The following RECK variants were observed in gnomAD, a reference collection of about 807,000 sequenced individuals.
RECK encodes reversion-inducing cysteine-rich protein with Kazal motifs.
Under a neutral mutation model 115.1 loss-of-function variants are expected in RECK, and 69 were observed. The observed-to-expected ratio is 0.60, with a 90% confidence interval of 0.49 to 0.73. The LOEUF is 0.73. RECK is among the 30% of genes least tolerant of loss of function. The probability of loss-of-function intolerance (pLI) is 0.00; values close to 1 mark genes in which losing one functional copy is unlikely to be tolerated. For missense variants in RECK, 1,047 were observed against 1,203.7 expected, an observed-to-expected ratio of 0.87 and a Z score of 1.93; for synonymous variants, 414 against 419.7, an observed-to-expected ratio of 0.99 and a Z score of 0.17.
chr9:36,038,815 A>AC (rs548144434), intron 1 of RECK, among the ~76,000 whole-genome samples: 36 of 148,196 alleles, frequency 2.4e-4, no homozygotes, highest in African/African-American at 7.9e-4. Context: ...ACAAACAACA[A>AC]AAAAAAAAAC....
At chr9:36,058,437 G>A (rs1375243694) in intron 2 of RECK, among the ~76,000 whole-genome samples, 1 of 131,128 alleles carries the variant, frequency 7.6e-6, no homozygotes, top group East Asian at 2.2e-4. Flanking sequence ...TCACTCATAG[G>A]TGGGAATTGA....
chr9:36,074,029 C>A (rs748813865), intron 6 of RECK, among the ~76,000 whole-genome samples: 3 of 152,054 alleles, frequency 2.0e-5, no homozygotes, highest in African/African-American at 7.2e-5. Flanking sequence ...TTCTCCACAA[C>A]CACCCCCCAC....
chr9:36,112,751 G>T (rs541643408), intron 16 of RECK, among the ~76,000 whole-genome samples: 1 of 152,306 alleles, frequency 6.6e-6, no homozygotes, highest in Non-Finnish European at 1.5e-5. Context: ...ATGAGTAAGA[G>T]ATTGCAGGCA....
intron 9 of RECK, among the ~76,000 whole-genome samples, chr9:36,088,650 C>T (rs1310464955): frequency 6.6e-6 from 1 of 152,158 alleles, no homozygotes; most frequent in Non-Finnish European, 1.5e-5. Flanking sequence ...ATTGGATGGA[C>T]CTTTAGCAAA....
chr9:36,041,163 T>C (rs1820849467), intron 1 of RECK, among the ~76,000 whole-genome samples: 1 of 152,226 alleles, frequency 6.6e-6, no homozygotes, highest in Non-Finnish European at 1.5e-5. Context: ...AATACCTACA[T>C]GGCTAATATT....
At chr9:36,088,978 G>A (rs932867029) in intron 9 of RECK, among the ~76,000 whole-genome samples, 10 of 152,088 alleles carry the variant, frequency 6.6e-5, no homozygotes, top group Admixed American at 3.9e-4. Context: ...CCGAGATTGC[G>A]CCACTGCACT....
chr9:36,069,480 C>CAAAAAA (rs60192603), intron 6 of RECK, among the ~76,000 whole-genome samples: 2 of 84,932 alleles, frequency 2.4e-5, no homozygotes, highest in East Asian at 2.6e-4. Context: ...GTGGAGGTTG[C>CAAAAAA]AAAAAAAAAA....
Position 36,084,027 on chromosome 9 carries a change from AATTG to A in RECK, c.637+469_637+472del, listed in dbSNP as rs1452486522. ...CATCCATCAATACAGCATTGATTAA[AATTG>A]ATTAAGTAAATTACGGCATACCTAT... On this transcript the variant is annotated intron_variant, in intron 8 of 20. Coordinates refer to ENST00000377966, the MANE Select transcript of RECK (RefSeq NM_021111.3). Among the ~76,000 whole-genome samples the A allele has an allele frequency of 2.6e-5, 4 of 152,332 alleles. No individual in the cohort carries two copies. In the East Asian group the frequency reaches 7.7e-4, roughly 29 times the overall value.
At chr9:36,065,093 A>G (rs1412941913) in intron 5 of RECK, among the ~76,000 whole-genome samples, 1 of 152,064 alleles carries the variant, frequency 6.6e-6, no homozygotes, top group Non-Finnish European at 1.5e-5. Flanking sequence ...CCTCTTCCCT[A>G]TTTAGTTGCC....
intron 10 of RECK, 106 bp downstream of exon 10, chr9:36,091,449 C>T (rs1823151666): frequency 2.3e-6 from 2 of 878,858 alleles, no homozygotes; most frequent in Non-Finnish European, 1.6e-6. Flanking sequence ...AAAAGAAAGT[C>T]TTCTTTATGA....
chr9:36,052,181 A>G, intron 1 of RECK, 84 bp from the exon 2 acceptor site: 1 of 809,258 alleles, frequency 1.2e-6, no homozygotes, highest in South Asian at 1.4e-5. Flanking sequence ...TCTACTGAAT[A>G]AATGGTTTGT....
chr9:36,102,046 A>G, intron 11 of RECK, 48 bp from the exon 12 acceptor site: 2 of 1,578,414 alleles, frequency 1.3e-6, no homozygotes, highest in South Asian at 1.2e-5. Flanking sequence ...ACTGGACAAC[A>G]TGAGGAGGTT....
chr9:36,118,887 A>G lies in RECK; in HGVS notation c.2384A>G (p.Glu795Gly). 6.2e-7 allele frequency: 1 copy of G among 1,613,952 alleles called. No individual in the cohort carries two copies. The highest frequency in any genetic ancestry group is 8.5e-7 in the Non-Finnish European group (1 of 1,180,040). The part of the protein sequence containing the change: ...GDCQAVGVLS[E>G]HSSVAECASV... ...TGCCAGGCCGTCGGAGTCCTCTCAG[A>G]GCACAGCTCCGTCGCCGAGTGTGCT... The change falls in exon 18 of 21, where the codon GAG (glutamate) becomes GGG (glycine). Residue 795 changes from glutamate (E) to glycine (G), a missense_variant. Coordinates refer to ENST00000377966, the MANE Select transcript of RECK (RefSeq NM_021111.3).
At chr9:36,061,393 T>TAC (rs58265948) in intron 4 of RECK, among the ~76,000 whole-genome samples, 15,688 of 128,950 alleles carry the variant, frequency 0.12, 943 homozygotes, top group East Asian at 0.18. Flanking sequence ...TGTAATTTTC[T>TAC]ACACACACAC....
chr9:36,095,689 C>A (rs1823305851), intron 10 of RECK, among the ~76,000 whole-genome samples: 1 of 151,934 alleles, frequency 6.6e-6, no homozygotes, highest in Non-Finnish European at 1.5e-5. Flanking sequence ...ATAATCCCAG[C>A]AGTTTGGGAG....
chr9:36,079,446 C>T (rs7033299), intron 6 of RECK, among the ~76,000 whole-genome samples: 3,785 of 152,208 alleles, frequency 0.025, 162 homozygotes, highest in African/African-American at 0.086. Context: ...AATTGAGGAA[C>T]CCTTATCTAT....
chr9:36,052,350 C>A, intron 2 of RECK, 27 bp downstream of exon 2: 2 of 1,528,886 alleles, frequency 1.3e-6, no homozygotes, highest in African/African-American at 1.4e-5. Flanking sequence ...ATTACAGAGG[C>A]AGCCAGACAC....
At position 36,061,393 on chromosome 9, in the gene RECK, TACACACACACACACACACAC is replaced by T. The variant is rs58265948; in HGVS notation, c.271+1264_271+1283del. ...GCATCCTTAGTATCCTGTAATTTTC[TACACACACACACACACACAC>T]ACACACACACACACACACACACACA... is the stretch of plus-strand genomic sequence containing the variant. On this transcript the variant is annotated intron_variant, in intron 4 of 20. Transcript: ENST00000377966. 8.4e-3 allele frequency among the ~76,000 whole-genome samples: 1,082 copies of T among 129,118 alleles called. 12 individuals carry two copies. The highest frequency in any genetic ancestry group is 0.027 in the African/African-American group (960 of 35,482). The allele number at this position is 129,118 out of a possible 152,430, so 84.7% of individuals were successfully genotyped here.
intron 7 of RECK, among the ~76,000 whole-genome samples, chr9:36,081,033 G>A: frequency 6.6e-6 from 1 of 152,140 alleles, no homozygotes; most frequent in East Asian, 1.9e-4. Flanking sequence ...TAGTGTCACT[G>A]GATAAAGTGC....
Sources: allele counts gnomAD v4.1 joint callset (sites outside exome capture counted in the v4.1 genomes callset), GRCh38; gene constraint gnomAD v4.1.1; transcripts MANE v1.5; gene names NCBI Gene and HGNC (gene_info 2026-07-23, HGNC 2026-07-21).